The following NR1H4 variants were observed in gnomAD, a reference collection of about 807,000 sequenced individuals.
NR1H4 encodes bile acid receptor.
NR1H4 carries 23 observed loss-of-function variants against 58.5 expected under a neutral mutation model. The ratio of observed to expected loss-of-function variants is 0.39; its 90% confidence interval spans 0.28 to 0.56. NR1H4 has a LOEUF of 0.56. NR1H4 is among the 20% of genes least tolerant of loss of function. NR1H4 has a pLI of 0.58. For missense variants in NR1H4, 487 were observed against 576.9 expected (o/e 0.84, Z 1.60); for synonymous variants, 214 against 198.0 (o/e 1.08, Z -0.68).
At chr12:100,546,649 C>T (rs920185707) in intron 9 of NR1H4, among the ~76,000 whole-genome samples, 7 of 152,012 alleles carry the variant, frequency 4.6e-5, no homozygotes, top group Non-Finnish European at 8.8e-5. Flanking sequence ...AAGCCAAGAT[C>T]GTGCCACTGC....
At chr12:100,495,404 C>T (rs1237065103) in intron 3 of NR1H4, among the ~76,000 whole-genome samples, 1 of 152,124 alleles carries the variant, frequency 6.6e-6, no homozygotes, top group Non-Finnish European at 1.5e-5. Context: ...TTTCAAATCT[C>T]TTTCCCCTAG....
chr12:100,482,232 G>A (rs1953397792), intron 1 of NR1H4, among the ~76,000 whole-genome samples: 1 of 152,116 alleles, frequency 6.6e-6, no homozygotes, highest in Non-Finnish European at 1.5e-5. Context: ...CAATAAAAAT[G>A]GTTACCATTC....
chr12:100,505,481 A>G (rs542052881), intron 3 of NR1H4: 4 of 636,566 alleles, frequency 6.3e-6, no homozygotes, highest in African/African-American at 3.6e-5. Flanking sequence ...GAACCCTTCT[A>G]TCACCTCAGA....
chr12:100,549,433 A>T (rs999886937), intron 9 of NR1H4, among the ~76,000 whole-genome samples: 6 of 152,258 alleles, frequency 3.9e-5, no homozygotes, highest in Admixed American at 3.9e-4. Flanking sequence ...ATAATCCTGA[A>T]GTGTTACACA....
At chr12:100,540,405 G>T (rs930851078) in intron 8 of NR1H4, among the ~76,000 whole-genome samples, 3 of 152,158 alleles carry the variant, frequency 2.0e-5, no homozygotes, top group Non-Finnish European at 4.4e-5. Flanking sequence ...GTTTCTGAGG[G>T]TTTCTTCATC....
At chr12:100,487,329 T>C (rs1953512871) in intron 1 of NR1H4, among the ~76,000 whole-genome samples, 1 of 152,210 alleles carries the variant, frequency 6.6e-6, no homozygotes, top group Non-Finnish European at 1.5e-5. Context: ...AAAAATACTT[T>C]AGCTTAAAAA....
At chr12:100,560,308 C>T (rs1014482040) in intron 9 of NR1H4, among the ~76,000 whole-genome samples, 2 of 152,346 alleles carry the variant, frequency 1.3e-5, no homozygotes, top group East Asian at 3.9e-4. Context: ...CTCGGGTCCC[C>T]TTCCACACTG....
chr12:100,556,523 T>A (rs1346437754), intron 9 of NR1H4, among the ~76,000 whole-genome samples: 1 of 151,928 alleles, frequency 6.6e-6, no homozygotes, highest in Non-Finnish European at 1.5e-5. Flanking sequence ...ACAAAATAAT[T>A]CATCACCTTC....
chr12:100,560,305 C>T (rs536093422), intron 9 of NR1H4, among the ~76,000 whole-genome samples: 3 of 152,352 alleles, frequency 2.0e-5, no homozygotes, highest in African/African-American at 7.2e-5. Flanking sequence ...CCACTCGGGT[C>T]CCCTTCCACA....
At chr12:100,544,704 T>G (rs1050894066) in intron 9 of NR1H4, among the ~76,000 whole-genome samples, 10 of 152,130 alleles carry the variant, frequency 6.6e-5, no homozygotes, top group Non-Finnish European at 1.2e-4. Context: ...AAAAAATGAA[T>G]GAAGGTTTGT....
chr12:100,550,030 G>A (rs1170916175), intron 9 of NR1H4, among the ~76,000 whole-genome samples: 1 of 152,152 alleles, frequency 6.6e-6, no homozygotes, highest in African/African-American at 2.4e-5. Flanking sequence ...AGAATATGAT[G>A]TGAAATCTCT....
At chr12:100,563,109 T>A (rs1955511634) in intron 10 of NR1H4, 142 bp from the exon 11 acceptor site, 2 of 688,776 alleles carry the variant, frequency 2.9e-6, no homozygotes, top group Admixed American at 4.7e-5. Context: ...GCATAAAAAT[T>A]CATCAGGTTG....
At chr12:100,546,826 C>T (rs1168179829) in intron 9 of NR1H4, among the ~76,000 whole-genome samples, 1 of 152,136 alleles carries the variant, frequency 6.6e-6, no homozygotes, top group Non-Finnish European at 1.5e-5. Context: ...GCTTAGAGTT[C>T]GTGGTTCATC....
At chr12:100,515,578 C>G (rs1954244499) in intron 4 of NR1H4, among the ~76,000 whole-genome samples, 1 of 151,856 alleles carries the variant, frequency 6.6e-6, no homozygotes, top group African/African-American at 2.4e-5. Context: ...TAGATATGAT[C>G]CAGAGAATGC....
chr12:100,532,013 G>A (rs1222173555), intron 4 of NR1H4, among the ~76,000 whole-genome samples: 1 of 152,062 alleles, frequency 6.6e-6, no homozygotes, highest in African/African-American at 2.4e-5. Flanking sequence ...CTGCTCTGCC[G>A]CAGTGCAGCT....
At chr12:100,547,202 A>G (rs913371190) in intron 9 of NR1H4, among the ~76,000 whole-genome samples, 1 of 152,192 alleles carries the variant, frequency 6.6e-6, no homozygotes, top group South Asian at 2.1e-4. Flanking sequence ...ATATGTGGTC[A>G]AACCCCAGCT....
At position 100,537,064 on chromosome 12, in the gene NR1H4, C is replaced by T. The variant is rs775002532; in HGVS notation, c.931+17C>T. On this transcript the variant is annotated intron_variant, in intron 8 of 10. Transcript: ENST00000392986. ...AGCTACCAGGTATTTTTTAAATAAT[C>T]AAAGTTAATATTTATTGAGAGTTTA... 1 of 1,430,142 alleles carries T rather than the reference C, an allele frequency of 7.0e-7. No individual in the cohort carries two copies. Among genetic ancestry groups the T allele is most frequent in the Non-Finnish European group, 9.8e-7 (1 of 1,018,468 alleles). The allele number at this position is 1,430,142 out of a possible 1,614,324, so 88.6% of individuals were successfully genotyped here.
intron 9 of NR1H4, among the ~76,000 whole-genome samples, chr12:100,542,632 A>G (rs1341984118): frequency 6.6e-6 from 1 of 152,232 alleles, no homozygotes; most frequent in Non-Finnish European, 1.5e-5. Context: ...CTTATCATTA[A>G]CAAAAGCAAA....
intron 1 of NR1H4, among the ~76,000 whole-genome samples, 197 bp downstream of exon 1, chr12:100,474,256 T>C (rs1340908031): frequency 6.6e-6 from 1 of 152,228 alleles, no homozygotes; most frequent in African/African-American, 2.4e-5. Flanking sequence ...CAAAAGTTAA[T>C]GAGTCTTAAC....
Sources: gnomAD v4.1 joint callset for allele counts (sites outside exome capture counted in the v4.1 genomes callset) on GRCh38, gnomAD v4.1.1 for gene constraint, MANE v1.5 for transcripts, NCBI Gene and HGNC (gene_info 2026-07-23, HGNC 2026-07-21) for gene names.